Variants in IYD observed in about 807,000 individuals in gnomAD.
IYD encodes the protein iodotyrosine deiodinase 1.
In IYD, 25 loss-of-function variants were observed where a neutral mutation model predicts 28.4. The observed-to-expected ratio is 0.88, with a 90% CI of 0.64 to 1.23. The LOEUF (loss-of-function observed/expected upper bound fraction) is 1.23, where lower values mean the gene tolerates loss of function less well. Among genes scored for constraint, IYD ranks in the 50% most tolerant of loss-of-function variants. The probability of loss-of-function intolerance (pLI) is 0.00; values close to 1 mark genes in which losing one functional copy is unlikely to be tolerated. For missense variants in IYD, 352 were observed against 357.9 expected, an observed-to-expected ratio of 0.98 and a Z score of 0.13; for synonymous variants, 140 against 130.8, an observed-to-expected ratio of 1.07 and a Z score of -0.48.
chr6:150,391,745 G>A (rs770596401), intron 2 of IYD, among the ~76,000 whole-genome samples: 18 of 152,046 alleles, frequency 1.2e-4, no homozygotes, highest in Non-Finnish European at 1.9e-4. Flanking sequence ...TTTCATTCTC[G>A]TCACCCGGGC....
chr6:150,398,069 G>T lies in IYD; in HGVS notation c.702G>T (p.Val234=). Residue 234 remains valine (V), a synonymous_variant, in exon 5 of 5, where the codon GTG becomes GTT. Coordinates refer to ENST00000344419, the MANE Select transcript of IYD (RefSeq NM_203395.3). ...LLAALQNAGL[V]TVTTTPLNCG... ...TCTTATTTTAGAATGCAGGTCTGGT[G>T]ACTGTCACTACCACTCCTCTCAACT... The T allele has an allele frequency of 6.2e-7, 1 of 1,614,152 alleles. No individual in the cohort carries two copies.
chr6:150,372,291 TGA>T (rs1777275166), intron 1 of IYD, among the ~76,000 whole-genome samples: 2 of 146,554 alleles, frequency 1.4e-5, no homozygotes, highest in African/African-American at 5.1e-5. Context: ...GGTCATTGTG[TGA>T]CCATGCTTAT....
Position 150,369,145 on chromosome 6 carries a change from C to T in IYD, c.114C>T (p.Ala38=), listed in dbSNP as rs773444748. 1.2e-5 allele frequency: 19 copies of T among 1,613,722 alleles called. No homozygotes were observed. Among genetic ancestry groups the T allele is most frequent in the Admixed American group, 8.3e-5 (5 of 59,974 alleles). Residue 38 remains alanine, a synonymous_variant, in exon 1 of 5, where the codon GCC becomes GCT. Transcript: ENST00000344419. Reference sequence around the variant, plus strand: ...AGAAGGGGGAGCCTAGAACCAGGGCCGAAGCTCGCCCCTGGGTGGATGAAG... The same window carrying T: ...AGAAGGGGGAGCCTAGAACCAGGGCTGAAGCTCGCCCCTGGGTGGATGAAG... ...EKKKGEPRTR[A]EARPWVDEDL...
intron 4 of IYD, chr6:150,396,766 C>CA (rs1268895821): frequency 1.0e-5 from 2 of 198,792 alleles, no homozygotes; most frequent in East Asian, 1.3e-4. Context: ...CCCAGCTACT[C>CA]GGGAGGCTGA....
At position 150,374,883 on chromosome 6, in the gene IYD, C is replaced by A. The variant is rs1777389629; in HGVS notation, c.178+5674C>A. Among the ~76,000 whole-genome samples, 3 of 152,282 alleles carry A rather than the reference C, an allele frequency of 2.0e-5. 1 individual carries two copies. The South Asian group carries it at 6.2e-4, about 32-fold the overall frequency. Reference sequence around the variant, plus strand: ...TGCCTCAGGGGAGGGTCAGGAAATTCTTCCTAGATTTTATGACCTGCTTCA... The same window carrying A: ...TGCCTCAGGGGAGGGTCAGGAAATTATTCCTAGATTTTATGACCTGCTTCA... On this transcript the variant is annotated intron_variant, in intron 1 of 4. Transcript: ENST00000344419.
chr6:150,387,444 A>G (rs2115042835), intron 1 of IYD, among the ~76,000 whole-genome samples: 1 of 149,838 alleles, frequency 6.7e-6, no homozygotes, highest in South Asian at 2.1e-4. Context: ...AAAAAAAAAA[A>G]AAAAGAATTT....
chr6:150,397,599 T>C (rs559625093), intron 4 of IYD, among the ~76,000 whole-genome samples: 2 of 148,726 alleles, frequency 1.3e-5, no homozygotes, highest in Non-Finnish European at 3.0e-5. Flanking sequence ...AAACCGAATA[T>C]GTATATTTAG....
At chr6:150,375,379 A>G (rs618514) in intron 1 of IYD, among the ~76,000 whole-genome samples, 108,629 of 152,066 alleles carry the variant, frequency 0.71, 40,110 homozygotes, top group Middle Eastern at 0.83. Context: ...ATTCCACTGC[A>G]TTATGGGAGT....
intron 4 of IYD, 152 bp from the exon 5 acceptor site, chr6:150,397,903 C>A (rs1778382658): frequency 2.7e-6 from 2 of 749,530 alleles, no homozygotes; most frequent in East Asian, 2.6e-5. Flanking sequence ...GTTCACGATG[C>A]CATTACTTGA....
At position 150,399,883 on chromosome 6, in the gene IYD, C is replaced by T. The variant is rs1317703913; in HGVS notation, c.*1646C>T. 1 of 152,228 alleles carries T rather than the reference C, an allele frequency of 6.6e-6. No homozygotes were observed. Among genetic ancestry groups the T allele is most frequent in the Non-Finnish European group, 1.5e-5 (1 of 68,130 alleles). The allele number at this position is 152,228 out of a possible 1,614,324, so 9.4% of individuals were successfully genotyped here. A position where few individuals can be genotyped will look rare whatever the true frequency, so the allele number is the denominator to read the frequency against. On this transcript the variant is annotated 3_prime_UTR_variant, in exon 5 of 5. Transcript: ENST00000344419. ...ATGACCTCATCACCTCCCAAAGGAC[C>T]CCCTCCTAATACCATCACATTGGGG...
chr6:150,395,302 TAA>T (rs374710489), intron 4 of IYD: 10 of 751,954 alleles, frequency 1.3e-5, no homozygotes, highest in Non-Finnish European at 1.8e-5. Context: ...GACAATGGAT[TAA>T]AAAAAAAAGA....
chr6:150,392,559 AC>A, intron 3 of IYD, 55 bp downstream of exon 3: 1 of 1,515,050 alleles, frequency 6.6e-7, no homozygotes, highest in Non-Finnish European at 9.2e-7. Flanking sequence ...AAATAAAATC[AC>A]CACCACCACC....
chr6:150,388,158 G>A (rs1291237807), intron 1 of IYD, among the ~76,000 whole-genome samples: 1 of 152,150 alleles, frequency 6.6e-6, no homozygotes, highest in Non-Finnish European at 1.5e-5. Context: ...TTTATTCCAA[G>A]TTCAAGTTTG....
intron 1 of IYD, among the ~76,000 whole-genome samples, chr6:150,371,000 A>G (rs556827337): frequency 6.6e-6 from 1 of 152,298 alleles, no homozygotes; most frequent in Non-Finnish European, 1.5e-5. Context: ...AGTATGGGGA[A>G]GATACTTGGA....
chr6:150,369,191 C>T lies in IYD; in HGVS notation c.160C>T (p.Leu54=), dbSNP rs1777131072. Residue 54 remains leucine (L), a synonymous_variant, in exon 1 of 5, where the codon CTG becomes TTG. Transcript: ENST00000344419. ...TGAAGACTTAAAAGACAGCAGTGAC[C>T]TGCACCAAGCAGAAGAAGGTAAAGA... The part of the protein sequence containing the change: ...VDEDLKDSSD[L]HQAEEDADEW... The T allele has an allele frequency of 3.7e-6, 6 of 1,612,960 alleles. No individual in the cohort carries two copies. In the South Asian group the frequency reaches 5.5e-5, roughly 15 times the overall value.
chr6:150,391,681 A>G (rs1482979156), intron 2 of IYD, among the ~76,000 whole-genome samples: 2 of 152,086 alleles, frequency 1.3e-5, no homozygotes, highest in African/African-American at 4.8e-5. Context: ...AGATTATCTA[A>G]CTTCATTTTG....
intron 1 of IYD, among the ~76,000 whole-genome samples, chr6:150,384,109 C>A (rs1412806504): frequency 1.3e-5 from 2 of 152,180 alleles, no homozygotes; most frequent in African/African-American, 4.8e-5. Flanking sequence ...TGGTTTAAAA[C>A]ATCTTAAATT....
At chr6:150,391,129 C>T (rs556426942) in intron 2 of IYD, among the ~76,000 whole-genome samples, 7 of 151,046 alleles carry the variant, frequency 4.6e-5, no homozygotes, top group African/African-American at 9.8e-5. Flanking sequence ...CCCAGCTACT[C>T]GGGAGGCTGA....
In IYD at chr6:150,402,061, G is replaced by A. The variant is rs1012026768; in HGVS notation, c.*3824G>A. 1 of 152,220 alleles carries A rather than the reference G, an allele frequency of 6.6e-6. No individual in the cohort carries two copies. The highest frequency in any genetic ancestry group is 1.5e-5 in the Non-Finnish European group (1 of 68,040). The allele number at this position is 152,220 out of a possible 1,614,324, so 9.4% of individuals were successfully genotyped here. ...ATTCCCAGGTGTTGCTGATGCTGGT[G>A]ATTGGGTACCACATTTTGAGAACCA... On this transcript the variant is annotated 3_prime_UTR_variant, in exon 5 of 5. Coordinates refer to ENST00000344419, the MANE Select transcript of IYD (RefSeq NM_203395.3).
Sources: gnomAD v4.1 joint callset for allele counts (sites outside exome capture counted in the v4.1 genomes callset) on GRCh38, gnomAD v4.1.1 for gene constraint, MANE v1.5 for transcripts, NCBI Gene and HGNC (gene_info 2026-07-23, HGNC 2026-07-21) for gene names.